The following RAC1 variants were observed in gnomAD, a reference collection of about 807,000 sequenced individuals.
The protein encoded by RAC1 is Rac family small GTPase 1.
In RAC1, 2 loss-of-function variants were observed where a neutral mutation model predicts 25.2. That is an observed-to-expected ratio of 0.08 (90% CI 0.03 to 0.25). RAC1 has a LOEUF of 0.25. Among genes scored for constraint, RAC1 ranks in the 10% least tolerant of loss-of-function variants. The pLI, the probability that RAC1 is intolerant of heterozygous loss-of-function variation, is 1.00. For missense variants in RAC1, 50 were observed against 235.7 expected (o/e 0.21, Z 5.16); for synonymous variants, 88 against 94.0 (o/e 0.94, Z 0.37).
chr7:6,399,624 A>G (rs1017304895), intron 3 of RAC1, among the ~76,000 whole-genome samples: 1 of 152,176 alleles, frequency 6.6e-6, no homozygotes, highest in African/African-American at 2.4e-5. Flanking sequence ...CCACTTACAC[A>G]CTAAGTCCTC....
chr7:6,375,719 C>A (rs933599691), intron 1 of RAC1: 1 of 148,920 alleles, frequency 6.7e-6, no homozygotes, highest in African/African-American at 2.5e-5. Flanking sequence ...AAAAACTGTT[C>A]TTTGCTTAAC....
At chr7:6,386,077 G>C (rs960406724) in intron 1 of RAC1, among the ~76,000 whole-genome samples, 3 of 152,162 alleles carry the variant, frequency 2.0e-5, no homozygotes, top group African/African-American at 7.2e-5. Flanking sequence ...CTTCTGCCTG[G>C]CGGCACACTG....
rs768044712 is a variant in RAC1, at chr7:6,391,906, T to A, written c.108-18T>A. ...AGCTTCTACACCTGTGACTAACCAT[T>A]TTCATTCCATTCTACAGCTTTGACA... On this transcript the variant is annotated intron_variant, in intron 2 of 5. Coordinates refer to ENST00000348035, the MANE Select transcript of RAC1 (RefSeq NM_006908.5). 9.3e-6 allele frequency: 15 copies of A among 1,613,900 alleles called. No individual in the cohort carries two copies. The highest frequency in any genetic ancestry group is 9.3e-6 in the Non-Finnish European group (11 of 1,179,934).
rs1342281971 is a variant in RAC1, at chr7:6,403,605, A to G, written c.*1159A>G. On this transcript the variant is annotated 3_prime_UTR_variant, in exon 6 of 6. Transcript: ENST00000348035. ...GTGTTGCAGCTTTATAGTTTTTAAA[A>G]TATTTTAGATAATTCTTAAACTATG... The G allele has an allele frequency of 2.8e-5, 6 of 214,418 alleles. No homozygotes were observed. Among genetic ancestry groups the G allele is most frequent in the Admixed American group, 1.7e-4 (3 of 17,146 alleles). The allele number at this position is 214,418 out of a possible 1,614,324, so 13.3% of individuals were successfully genotyped here.
At chr7:6,386,999 CTA>C (rs1377071464) in intron 1 of RAC1, among the ~76,000 whole-genome samples, 2 of 151,610 alleles carry the variant, frequency 1.3e-5, no homozygotes, top group East Asian at 3.9e-4. Context: ...GCTCCTGACT[CTA>C]TCTTTCTGAG....
chr7:6,396,234 A>G (rs760611440), intron 3 of RAC1, among the ~76,000 whole-genome samples: 2 of 152,188 alleles, frequency 1.3e-5, no homozygotes, highest in Non-Finnish European at 2.9e-5. Flanking sequence ...CTGGAGAGAC[A>G]CCGGTGGTGC....
rs1400939509 is a variant in RAC1 at position 6,402,885 on chromosome 7, T to C, written c.*439T>C. 2 of 195,988 alleles carry C rather than the reference T, an allele frequency of 1.0e-5. No individual in the cohort carries two copies. Among genetic ancestry groups the C allele is most frequent in the Non-Finnish European group, 2.1e-5 (2 of 94,094 alleles). The allele number at this position is 195,988 out of a possible 1,614,324, so 12.1% of individuals were successfully genotyped here. On this transcript the variant is annotated 3_prime_UTR_variant, in exon 6 of 6. Coordinates refer to ENST00000348035, the MANE Select transcript of RAC1 (RefSeq NM_006908.5). ...GGAGGTGCAGACACTTGCTCTCCTATGTAGTTCTCAGATGCGTAAAGCAGA... is the reference window on the plus strand; with the variant it reads ...GGAGGTGCAGACACTTGCTCTCCTACGTAGTTCTCAGATGCGTAAAGCAGA...
chr7:6,388,253 C>G (rs34378191), intron 2 of RAC1, among the ~76,000 whole-genome samples: 3,453 of 152,082 alleles, frequency 0.023, 65 homozygotes, highest in Middle Eastern at 0.041. Context: ...GTCGCCTCCT[C>G]CCCACCTGTG....
At chr7:6,383,619 G>A (rs1282530825) in intron 1 of RAC1, among the ~76,000 whole-genome samples, 1 of 151,918 alleles carries the variant, frequency 6.6e-6, no homozygotes, top group Non-Finnish European at 1.5e-5. Flanking sequence ...AGACACAGCT[G>A]GTTGCCTTTA....
rs1783454293 is a variant in RAC1 at position 6,402,767 on chromosome 7, T to C, written c.*321T>C. The C allele has an allele frequency of 4.1e-6, 1 of 243,698 alleles. No homozygotes were observed. Among genetic ancestry groups the C allele is most frequent in the East Asian group, 6.8e-5 (1 of 14,790 alleles). The allele number at this position is 243,698 out of a possible 1,614,324, so 15.1% of individuals were successfully genotyped here. A position where few individuals can be genotyped will look rare whatever the true frequency, so the allele number is the denominator to read the frequency against. On this transcript the variant is annotated 3_prime_UTR_variant, in exon 6 of 6. Coordinates refer to ENST00000348035, the MANE Select transcript of RAC1 (RefSeq NM_006908.5). ...TCAGATTAAGAGTTGCCAAAATACC[T>C]TCTGAACTACACTGCATTGTTGTGC...
rs200079748 is a variant in RAC1, at chr7:6,402,033, G to A, written c.448+6G>A. 5.1e-5 allele frequency: 83 copies of A among 1,611,934 alleles called. No homozygotes were observed. Among genetic ancestry groups the A allele is most frequent in the Non-Finnish European group, 6.5e-5 (77 of 1,179,124 alleles). ...AGCCATGGCTAAGGAGATTGGTATG[G>A]AATCCTGTGTTTTTCCTCCTCCTTG... On this transcript the variant is annotated splice_donor_region_variant and intron_variant, in intron 5 of 5. Transcript: ENST00000348035.
At chr7:6,400,069 T>A (rs1783353100) in intron 3 of RAC1, 57 bp from the exon 4 acceptor site, 4 of 1,468,216 alleles carry the variant, frequency 2.7e-6, no homozygotes, top group Non-Finnish European at 1.9e-6. Context: ...GAAAGCAAAG[T>A]GCATGCTTCA....
rs1783105099 is a variant in RAC1 at position 6,391,999 on chromosome 7, A to G, written c.183A>G (p.Gln61=). ...TGGGCTTATGGGATACAGCTGGACA[A>G]GAAGATTATGACAGATTACGCCCCC... ...VNLGLWDTAG[Q]EDYDRLRPLS... The change falls in exon 3 of 6, where the codon CAA becomes CAG. Residue 61 remains glutamine, a synonymous_variant. Transcript: ENST00000348035. The G allele has an allele frequency of 6.2e-7, 1 of 1,614,228 alleles. No homozygotes were observed. The highest frequency in any genetic ancestry group is 2.2e-5 in the East Asian group (1 of 44,890).
rs1339641238 is a variant in RAC1, at chr7:6,392,150, T to C, written c.225+109T>C. ...TGCTTATATTGCCATCATTTGGGTA[T>C]TGAGTAAATAGCAAACAGGGTGGGA... On this transcript the variant is annotated intron_variant, in intron 3 of 5. Coordinates refer to ENST00000348035, the MANE Select transcript of RAC1 (RefSeq NM_006908.5). 3.2e-6 allele frequency: 5 copies of C among 1,558,658 alleles called. No individual in the cohort carries two copies. In the South Asian group the frequency reaches 4.7e-5, roughly 15 times the overall value.
intron 3 of RAC1, among the ~76,000 whole-genome samples, chr7:6,394,589 G>A (rs554200843): frequency 2.6e-5 from 4 of 152,288 alleles, no homozygotes; most frequent in East Asian, 3.9e-4. Context: ...CAGCGGGTTC[G>A]CTGAGATGCT....
intron 1 of RAC1, among the ~76,000 whole-genome samples, chr7:6,381,899 AG>A (rs1221100268): frequency 1.3e-5 from 2 of 152,082 alleles, no homozygotes; most frequent in Non-Finnish European, 2.9e-5. Flanking sequence ...GTGTAAATCG[AG>A]GACCTTCATG....
At chr7:6,402,097 C>A (rs555045572) in intron 5 of RAC1, 70 bp downstream of exon 5, 5 of 1,541,784 alleles carry the variant, frequency 3.2e-6, no homozygotes, top group Non-Finnish European at 4.4e-6. Context: ...GGAGTCCAGT[C>A]TGGGAAAGGA....
chr7:6,375,302 C>T (rs1782549993), intron 1 of RAC1, among the ~76,000 whole-genome samples: 1 of 151,998 alleles, frequency 6.6e-6, no homozygotes, highest in African/African-American at 2.4e-5. Context: ...GTTGCCCAGG[C>T]CGGTCTCGAA....
chr7:6,379,660 T>A (rs1782709801), intron 1 of RAC1, among the ~76,000 whole-genome samples: 1 of 152,250 alleles, frequency 6.6e-6, no homozygotes, highest in Admixed American at 6.5e-5. Context: ...TCTGCCCGCC[T>A]TGGCCTCCCA....
Sources: gnomAD v4.1 joint callset for allele counts (sites outside exome capture counted in the v4.1 genomes callset) on GRCh38, gnomAD v4.1.1 for gene constraint, MANE v1.5 for transcripts, NCBI Gene and HGNC (gene_info 2026-07-23, HGNC 2026-07-21) for gene names.